The following RLIG1 variants were observed in gnomAD, a reference collection of about 807,000 sequenced individuals.
RLIG1 encodes the protein RNA ligase 1.
the RLIG1 span, chr12:88,042,903 C>T: frequency 1.3e-6 from 2 of 1,562,146 alleles, no homozygotes; most frequent in South Asian, 1.2e-5. Context: ...TTTCTACATT[C>T]AAAAGAAAAC....
chr12:88,042,925 GTTTT>G, the RLIG1 span: 1 of 1,511,400 alleles, frequency 6.6e-7, no homozygotes, highest in East Asian at 2.4e-5. Flanking sequence ...CAAAAGGTTA[GTTTT>G]TTTTTAACTT....
At chr12:88,035,565 G>A in the RLIG1 span, 26 of 1,396,832 alleles carry the variant, frequency 1.9e-5, no homozygotes, top group East Asian at 7.5e-5. Flanking sequence ...AGCCGTGCGG[G>A]TGACTGCTTC....
At chr12:88,049,311 T>G in the RLIG1 span, 1 of 1,594,186 alleles carries the variant, frequency 6.3e-7, no homozygotes, top group African/African-American at 1.3e-5. Flanking sequence ...TAAGAGAATA[T>G]TCTTCTTCAC....
the RLIG1 span, chr12:88,043,475 G>C: frequency 3.3e-6 from 2 of 604,934 alleles, no homozygotes; most frequent in South Asian, 4.5e-5. Flanking sequence ...ATAATGAATG[G>C]AGAATAATTG....
At chr12:88,039,904 A>G in the RLIG1 span, among the ~76,000 whole-genome samples, 1 of 152,218 alleles carries the variant, frequency 6.6e-6, no homozygotes, top group Non-Finnish European at 1.5e-5. Flanking sequence ...TGCAAAGAAC[A>G]AAGGTGGATA....
the RLIG1 span, chr12:88,043,487 A>G: frequency 9.5e-6 from 6 of 628,300 alleles, no homozygotes; most frequent in East Asian, 5.6e-5. Context: ...GAATAATTGT[A>G]TCACACCTGA....
the RLIG1 span, among the ~76,000 whole-genome samples, chr12:88,036,837 C>CT: frequency 7.5e-3 from 1,110 of 147,664 alleles, 19 homozygotes; most frequent in African/African-American, 0.024. Flanking sequence ...CAGTAATTGG[C>CT]TTTTTTTTTT....
the RLIG1 span, among the ~76,000 whole-genome samples, chr12:88,046,561 G>GGT: frequency 5.1e-4 from 2 of 3,956 alleles, no homozygotes; most frequent in Admixed American, 7.6e-3. Context: ...TACAAAAAAA[G>GGT]TATCTGTCCA....
At chr12:88,049,675 T>G in the RLIG1 span, 4 of 279,756 alleles carry the variant, frequency 1.4e-5, no homozygotes, top group East Asian at 2.6e-4. Context: ...ATAATGGGAC[T>G]TAATCTTTCT....
At chr12:88,043,726 A>T in the RLIG1 span, 1 of 1,567,556 alleles carries the variant, frequency 6.4e-7, no homozygotes. Flanking sequence ...GTATCATGAT[A>T]TCTCTTCTAG....
chr12:88,045,784 G>C, the RLIG1 span: 1 of 1,606,032 alleles, frequency 6.2e-7, no homozygotes, highest in Non-Finnish European at 8.5e-7. Flanking sequence ...CATATGGTGA[G>C]TGAAGACTTT....
chr12:88,036,569 G>A, the RLIG1 span, among the ~76,000 whole-genome samples: 1 of 152,158 alleles, frequency 6.6e-6, no homozygotes, highest in Non-Finnish European at 1.5e-5. Flanking sequence ...CCTGGCACGT[G>A]GTAGGCACTG....
chr12:88,038,100 TGA>T, the RLIG1 span, among the ~76,000 whole-genome samples: 1 of 152,028 alleles, frequency 6.6e-6, no homozygotes, highest in African/African-American at 2.4e-5. Context: ...GGGAAAAACA[TGA>T]AAAAAACAAA....
chr12:88,042,372 A>G, the RLIG1 span: 1 of 152,436 alleles, frequency 6.6e-6, no homozygotes, highest in Admixed American at 6.6e-5. Context: ...ACAAATCAAC[A>G]TTATTAGTAT....
chr12:88,042,809 G>C, the RLIG1 span: 1 of 1,461,126 alleles, frequency 6.8e-7, no homozygotes, highest in Non-Finnish European at 9.1e-7. Flanking sequence ...TTTTCCTTTT[G>C]TTATTACTTT....
At chr12:88,046,843 T>C in the RLIG1 span, 1 of 1,612,720 alleles carries the variant, frequency 6.2e-7, no homozygotes, top group Non-Finnish European at 8.5e-7. Context: ...CATCTTCTTA[T>C]ACCACATGGA....
At chr12:88,048,209 G>A in the RLIG1 span, 2 of 1,508,436 alleles carry the variant, frequency 1.3e-6, no homozygotes, top group Non-Finnish European at 1.8e-6. Flanking sequence ...GTATGCTAAA[G>A]CTAATACCTT....
At chr12:88,042,911 A>G in the RLIG1 span, 2 of 1,560,886 alleles carry the variant, frequency 1.3e-6, no homozygotes, top group Non-Finnish European at 8.6e-7. Context: ...TTCAAAAGAA[A>G]ACCCAAAAGG....
the RLIG1 span, chr12:88,035,894 T>A: frequency 1.3e-6 from 2 of 1,504,202 alleles, no homozygotes; most frequent in Non-Finnish European, 1.8e-6. Flanking sequence ...GGGGTGGGAG[T>A]TCCGTACGCC....
Sources: gnomAD v4.1 joint callset for allele counts (sites outside exome capture counted in the v4.1 genomes callset) on GRCh38, gnomAD v4.1.1 for gene constraint, MANE v1.5 for transcripts, NCBI Gene and HGNC (gene_info 2026-07-23, HGNC 2026-07-21) for gene names.